Variants in UBASH3B observed in about 807,000 individuals in gnomAD.
The protein encoded by UBASH3B is ubiquitin-associated and SH3 domain-containing protein B.
UBASH3B carries 37 observed loss-of-function variants against 83.4 expected under a neutral mutation model. The observed-to-expected ratio is 0.44, with a 90% CI of 0.34 to 0.58. UBASH3B has a LOEUF of 0.58. Among genes scored for constraint, UBASH3B ranks in the 20% least tolerant of loss-of-function variants. The probability of loss-of-function intolerance (pLI) is 0.01; values close to 1 mark genes in which losing one functional copy is unlikely to be tolerated. For synonymous variants in UBASH3B, 304 were observed against 318.3 expected (o/e 0.96, Z 0.48); for missense variants, 657 against 827.2 (o/e 0.79, Z 2.52).
chr11:122,687,061 G>A (rs187429132), intron 1 of UBASH3B, among the ~76,000 whole-genome samples: 4 of 152,110 alleles, frequency 2.6e-5, no homozygotes, highest in Non-Finnish European at 4.4e-5. Flanking sequence ...AGAGATGGGG[G>A]TTTCACCATG....
intron 1 of UBASH3B, among the ~76,000 whole-genome samples, chr11:122,748,345 C>T (rs552640109): frequency 6.6e-6 from 1 of 152,236 alleles, no homozygotes; most frequent in East Asian, 1.9e-4. Context: ...GTGTAATGAA[C>T]CCCCATGTAT....
chr11:122,757,258 TC>T (rs1421512873), intron 1 of UBASH3B, among the ~76,000 whole-genome samples: 2 of 152,082 alleles, frequency 1.3e-5, no homozygotes, highest in Non-Finnish European at 2.9e-5. Flanking sequence ...GGAGGTTGAG[TC>T]CTCATGAACG....
intron 1 of UBASH3B, among the ~76,000 whole-genome samples, chr11:122,706,120 C>CTTTTTTTTTTTTTTT (rs60384458): frequency 9.3e-6 from 1 of 107,686 alleles, no homozygotes; most frequent in Non-Finnish European, 1.9e-5. Context: ...TTTTTTTTTT[C>CTTTTTTTTTTTTTTT]TTTTTTTTTT....
At chr11:122,780,756 T>C (rs1183089401) in intron 4 of UBASH3B, among the ~76,000 whole-genome samples, 1 of 151,972 alleles carries the variant, frequency 6.6e-6, no homozygotes, top group South Asian at 2.1e-4. Flanking sequence ...AGGCATGAGA[T>C]GGTGTGAGCA....
chr11:122,792,777 A>G (rs557009316), intron 6 of UBASH3B, among the ~76,000 whole-genome samples: 1 of 152,342 alleles, frequency 6.6e-6, no homozygotes, highest in South Asian at 2.1e-4. Flanking sequence ...ACATACGCAG[A>G]TGGACTGATG....
intron 1 of UBASH3B, among the ~76,000 whole-genome samples, chr11:122,669,889 A>C (rs1305905997): frequency 8.5e-5 from 13 of 152,254 alleles, no homozygotes; most frequent in Admixed American, 8.5e-4. Flanking sequence ...AATCAACTGC[A>C]CACTCAAGAG....
rs777150668 is a variant in UBASH3B, at chr11:122,759,556, C to A, written c.162-16663C>A. ...GAGCCCTGAGCTTGTTTTCCTGAAA[C>A]TAGGTGGGACCGTCTAGTTGGAGAC... On this transcript the variant is annotated intron_variant, in intron 1 of 13. Coordinates refer to ENST00000284273, the MANE Select transcript of UBASH3B (RefSeq NM_032873.5). This position sits in a 1 kb window ranked among gnomAD's most constrained non-coding sequence, Gnocchi z 4.1. 2.0e-5 allele frequency among the ~76,000 whole-genome samples: 3 copies of A among 152,204 alleles called. No individual in the cohort carries two copies. Among genetic ancestry groups the A allele is most frequent in the Non-Finnish European group, 4.4e-5 (3 of 68,046 alleles).
chr11:122,726,548 C>T (rs748075842), intron 1 of UBASH3B, among the ~76,000 whole-genome samples: 14 of 151,944 alleles, frequency 9.2e-5, no homozygotes, highest in Non-Finnish European at 1.8e-4. Context: ...CGGGGTTTCA[C>T]ATGTTGGCCA....
intron 1 of UBASH3B, among the ~76,000 whole-genome samples, chr11:122,715,091 G>A (rs908054374): frequency 1.2e-4 from 18 of 152,004 alleles, no homozygotes; most frequent in South Asian, 4.2e-4. Context: ...GACTACAGGC[G>A]CCCACTACCA....
Position 122,758,553 on chromosome 11 carries a change from G to A in UBASH3B, c.162-17666G>A, listed in dbSNP as rs907118207. On this transcript the variant is annotated intron_variant, in intron 1 of 13. Coordinates refer to ENST00000284273, the MANE Select transcript of UBASH3B (RefSeq NM_032873.5). This position sits in a 1 kb window ranked among gnomAD's most constrained non-coding sequence, Gnocchi z 4.2. ...GGGCACCCAGTGGCCGTAGAACACC[G>A]ACCCTGTGCCAAACTCAGAGCTAAG... Among the ~76,000 whole-genome samples, 4 of 152,202 alleles carry A rather than the reference G, an allele frequency of 2.6e-5. No homozygotes were observed. The highest frequency in any genetic ancestry group is 4.8e-5 in the African/African-American group (2 of 41,444).
chr11:122,678,593 A>G (rs915593965), intron 1 of UBASH3B, among the ~76,000 whole-genome samples: 4 of 152,190 alleles, frequency 2.6e-5, no homozygotes, highest in Non-Finnish European at 2.9e-5. Flanking sequence ...AGGCACTGCC[A>G]CCATCATCCC....
intron 1 of UBASH3B, among the ~76,000 whole-genome samples, chr11:122,727,988 C>T (rs533263233): frequency 8.6e-5 from 12 of 139,388 alleles, no homozygotes; most frequent in Non-Finnish European, 1.7e-4. Context: ...TAGTTTTAGC[C>T]CATCTTATCA....
At chr11:122,741,853 C>G (rs1353356843) in intron 1 of UBASH3B, among the ~76,000 whole-genome samples, 1 of 152,142 alleles carries the variant, frequency 6.6e-6, no homozygotes, top group African/African-American at 2.4e-5. Context: ...TTCTGCTGAC[C>G]AAGGAAACCA....
intron 1 of UBASH3B, among the ~76,000 whole-genome samples, chr11:122,687,526 G>C (rs897221043): frequency 2.6e-5 from 4 of 152,064 alleles, no homozygotes; most frequent in Non-Finnish European, 5.9e-5. Context: ...GTATTGGGGG[G>C]GCAGATGAGT....
intron 1 of UBASH3B, among the ~76,000 whole-genome samples, chr11:122,724,408 G>A (rs1172846212): frequency 1.3e-5 from 2 of 152,316 alleles, no homozygotes; most frequent in East Asian, 3.9e-4. Context: ...GTCCACCACT[G>A]TGGCATAGAG....
chr11:122,685,228 T>C (rs2135913109), intron 1 of UBASH3B, among the ~76,000 whole-genome samples: 1 of 152,316 alleles, frequency 6.6e-6, no homozygotes, highest in Admixed American at 6.5e-5. Context: ...CTTCTTTATT[T>C]GCTTATTCTC....
chr11:122,793,359 G>C (rs2135168590), intron 6 of UBASH3B, among the ~76,000 whole-genome samples: 1 of 152,246 alleles, frequency 6.6e-6, no homozygotes, highest in East Asian at 1.9e-4. Flanking sequence ...CTTCAGCCTG[G>C]GCGACAAGAG....
At chr11:122,667,352 TTCTC>T (rs907537204) in intron 1 of UBASH3B, among the ~76,000 whole-genome samples, 4 of 152,142 alleles carry the variant, frequency 2.6e-5, no homozygotes, top group Non-Finnish European at 4.4e-5. Flanking sequence ...AGTCCATTCT[TTCTC>T]TCTCTCTGTA....
intron 1 of UBASH3B, among the ~76,000 whole-genome samples, chr11:122,737,611 CT>C (rs34707512): frequency 0.97 from 146,067 of 151,200 alleles, 70,705 homozygotes; most frequent in African/African-American, 0.99. Context: ...TCCCCTAGCC[CT>C]TTTTTTTTTC....
Sources: gnomAD v4.1 joint callset for allele counts (sites outside exome capture counted in the v4.1 genomes callset) on GRCh38, gnomAD v4.1.1 for gene constraint, Gnocchi (gnomAD v3.1) non-coding constraint, MANE v1.5 for transcripts, NCBI Gene and HGNC (gene_info 2026-07-23, HGNC 2026-07-21) for gene names.